Variants in LONP1 observed in about 807,000 individuals in gnomAD.
LONP1 encodes lon peptidase 1, mitochondrial.
In LONP1, 31 loss-of-function variants were observed where a neutral mutation model predicts 98.5. The ratio of observed to expected loss-of-function variants is 0.31; its 90% CI spans 0.24 to 0.42. The LOEUF (loss-of-function observed/expected upper bound fraction) is 0.42, where lower values mean the gene tolerates loss of function less well. Among genes scored for constraint, LONP1 ranks in the 20% least tolerant of loss-of-function variants. The pLI, the probability that LONP1 is intolerant of heterozygous loss-of-function variation, is 1.00. For missense variants in LONP1, 1,336 were observed against 1,350.6 expected (o/e 0.99, Z 0.17); for synonymous variants, 781 against 594.7 (o/e 1.31, Z -4.56).
At chr19:5,711,637 T>G in intron 4 of LONP1, 134 bp downstream of exon 4, 2 of 686,596 alleles carry the variant, frequency 2.9e-6, no homozygotes, top group Admixed American at 2.6e-5. Context: ...CCATTAGAAT[T>G]GAGTTCCAGA....
intron 3 of LONP1, 115 bp from the exon 4 acceptor site, chr19:5,712,117 G>A (rs976100992): frequency 2.5e-6 from 2 of 812,240 alleles, no homozygotes; most frequent in South Asian, 1.9e-5. Flanking sequence ...CAGACCTCTG[G>A]AGCCACAGGG....
At chr19:5,701,432 C>G (rs1040830286) in intron 8 of LONP1, among the ~76,000 whole-genome samples, 3 of 152,184 alleles carry the variant, frequency 2.0e-5, no homozygotes, top group Non-Finnish European at 4.4e-5. Context: ...ACCTCCCTGC[C>G]TGGTTCTCCT....
chr19:5,706,133 C>A (rs1226730067), intron 7 of LONP1, 141 bp from the exon 8 acceptor site: 2 of 626,410 alleles, frequency 3.2e-6, no homozygotes, highest in East Asian at 5.4e-5. Flanking sequence ...GCCTTTGGTT[C>A]CTTCCATCTT....
rs148761187 is a variant in LONP1, at chr19:5,699,075, C to T, written c.1637G>A (p.Arg546His). The T allele has an allele frequency of 3.6e-5, 58 of 1,608,416 alleles. No homozygotes were observed. Among genetic ancestry groups the T allele is most frequent in the Non-Finnish European group, 4.6e-5 (54 of 1,176,880 alleles). The change falls in exon 10 of 18, where the codon CGC (arginine) becomes CAC (histidine). Residue 546 changes from arginine (R) to histidine (H), a missense_variant. By Grantham distance (29) the Arg-to-His change is conservative. This residue lies in a region of LONP1 where 219 missense variants were observed against 241.0 expected (regional missense o/e 0.91). Coordinates refer to ENST00000360614, the MANE Select transcript of LONP1 (RefSeq NM_004793.4). ...IARALNREYFRFSVGGMTDVA... is the reference protein window; with the variant it reads ...IARALNREYFHFSVGGMTDVA... ...GTCAGTCATGCCCCCGACGCTGAAG[C>T]GGAAGTACTCTCGGTTCAGGGCGCG...
rs775470022 is a variant in LONP1 at position 5,691,980 on chromosome 19, T to TTCTGGCCCAGACAGGGCCTGACATCCAGC, written c.*51_*52insGCTGGATGTCAGGCCCTGTCTGGGCCAGA. 1.1e-5 allele frequency: 18 copies of TTCTGGCCCAGACAGGGCCTGACATCCAGC among 1,581,784 alleles called. No homozygotes were observed. Among genetic ancestry groups the TTCTGGCCCAGACAGGGCCTGACATCCAGC allele is most frequent in the Non-Finnish European group, 1.5e-5 (18 of 1,163,146 alleles). On this transcript the variant is annotated 3_prime_UTR_variant, in exon 18 of 18. Coordinates refer to ENST00000360614, the MANE Select transcript of LONP1 (RefSeq NM_004793.4). ...CGGGCGCGCTCCCCACAGCGCTCAG[T>TTCTGGCCCAGACAGGGCCTGACATCCAGC]TCTGGCCCAGACAGGGCCTGACATC... is the stretch of plus-strand genomic sequence containing the variant.
At position 5,707,507 on chromosome 19, in the gene LONP1, C is replaced by G. The variant is rs149219279; in HGVS notation, c.1062+190G>C. ...AGGCGGATGGATGTGGACCAAGACACGCAGCGGGAAATCATCTCAAAAACA... is the reference window on the plus strand; with the variant it reads ...AGGCGGATGGATGTGGACCAAGACAGGCAGCGGGAAATCATCTCAAAAACA... On this transcript the variant is annotated intron_variant, in intron 6 of 17. Transcript: ENST00000360614. Among the ~76,000 whole-genome samples, 82 of 152,286 alleles carry G rather than the reference C, an allele frequency of 5.4e-4. 1 individual carries two copies. The East Asian group carries it at 0.01, about 19-fold the overall frequency.
rs188959173 is a variant in LONP1 at position 5,701,613 on chromosome 19, G to A, written c.1368-686C>T. 7.6e-3 allele frequency among the ~76,000 whole-genome samples: 1,164 copies of A among 152,356 alleles called. 5 individuals carry two copies. The highest frequency in any genetic ancestry group is 0.012 in the Non-Finnish European group (845 of 68,034). ...CTCCCGAGGTGCCGGGATTGCAGAC[G>A]GAGTCTCGTTCACTCAGTGCTCAAT... On this transcript the variant is annotated intron_variant, in intron 8 of 17. Transcript: ENST00000360614.
Position 5,713,820 on chromosome 19 carries a change from C to T in LONP1, c.518+363G>A, listed in dbSNP as rs527745031. ...TCAGGTGATCCACATGCCTCAGCCT[C>T]CCAAAGTGCTGGGATTACAGGTGTG... is the stretch of plus-strand genomic sequence containing the variant. On this transcript the variant is annotated intron_variant, in intron 2 of 17. Transcript: ENST00000360614. 9.8e-5 allele frequency among the ~76,000 whole-genome samples: 15 copies of T among 152,292 alleles called. No homozygotes were observed. In the East Asian group the frequency reaches 2.9e-3, roughly 29 times the overall value.
At chr19:5,701,656 G>A (rs1193859187) in intron 8 of LONP1, among the ~76,000 whole-genome samples, 2 of 152,196 alleles carry the variant, frequency 1.3e-5, no homozygotes, top group East Asian at 1.9e-4. Context: ...AGGCTGGAGT[G>A]CAGTGGCGTG....
At chr19:5,703,664 C>G (rs756565192) in intron 8 of LONP1, among the ~76,000 whole-genome samples, 125 of 151,184 alleles carry the variant, frequency 8.3e-4, no homozygotes, top group African/African-American at 3.0e-3. Context: ...CTGGGCCACA[C>G]GGATGCTGGA....
intron 8 of LONP1, among the ~76,000 whole-genome samples, chr19:5,702,321 C>G (rs573443177): frequency 1.4e-5 from 2 of 147,530 alleles, no homozygotes; most frequent in South Asian, 4.3e-4. Flanking sequence ...GTCAGCCCCC[C>G]GCCCAGCCAG....
intron 9 of LONP1, among the ~76,000 whole-genome samples, chr19:5,699,555 G>GTTTTTT: frequency 1.7e-5 from 2 of 118,552 alleles, no homozygotes; most frequent in Non-Finnish European, 3.5e-5. Context: ...TCTGGCTCCT[G>GTTTTTT]TTTTTTTTTT....
intron 17 of LONP1, 37 bp downstream of exon 17, chr19:5,693,261 C>T (rs1418805608): frequency 3.2e-6 from 5 of 1,579,172 alleles, no homozygotes; most frequent in Non-Finnish European, 1.7e-6. Context: ...TGGTGTGGGC[C>T]CTGCCAGTGC....
At chr19:5,693,160 C>T (rs1476279951) in intron 17 of LONP1, 138 bp downstream of exon 17, 3 of 1,074,386 alleles carry the variant, frequency 2.8e-6, no homozygotes, top group South Asian at 1.6e-5. Context: ...AGGCCAGCTC[C>T]AGGCCAGAGA....
At chr19:5,702,267 C>T (rs1406525745) in intron 8 of LONP1, among the ~76,000 whole-genome samples, 1 of 137,272 alleles carries the variant, frequency 7.3e-6, no homozygotes. Context: ...GGGGGGTCAG[C>T]CCCCCACCAG....
intron 4 of LONP1, among the ~76,000 whole-genome samples, chr19:5,711,051 C>T (rs1418850971): frequency 6.6e-6 from 1 of 151,844 alleles, no homozygotes; most frequent in Non-Finnish European, 1.5e-5. Flanking sequence ...AAAAAAAAAC[C>T]TCGCAGGGGT....
At position 5,694,513 on chromosome 19, in the gene LONP1, C is replaced by T; in HGVS notation, c.2194G>A (p.Ala732Thr). ...KSAYKIVSGE[A>T]ESVEVTPENL... Reference sequence around the variant, plus strand: ...TCGGGCGTCACCTCCACGGACTCGGCCTCGCCGCTGACAATCTTGTAGGCC... The same window carrying T: ...TCGGGCGTCACCTCCACGGACTCGGTCTCGCCGCTGACAATCTTGTAGGCC... Residue 732 changes from alanine to threonine, a missense_variant, in exon 15 of 18, where the codon GCC becomes ACC. By Grantham distance (58) the Ala-to-Thr change is moderately conservative. Transcript: ENST00000360614. 3 of 1,613,220 alleles carry T rather than the reference C, an allele frequency of 1.9e-6. No individual in the cohort carries two copies. The highest frequency in any genetic ancestry group is 2.5e-6 in the Non-Finnish European group (3 of 1,180,000).
At chr19:5,694,740 G>T (rs372280961) in intron 14 of LONP1, 21 bp downstream of exon 14, 127 of 1,581,572 alleles carry the variant, frequency 8.0e-5, no homozygotes, top group Middle Eastern at 2.0e-4. Context: ...CAGGTGCCAG[G>T]AGGGCGGGCT....
intron 8 of LONP1, among the ~76,000 whole-genome samples, chr19:5,705,568 C>T (rs1169494448): frequency 2.0e-5 from 3 of 152,118 alleles, no homozygotes; most frequent in Admixed American, 6.5e-5. Flanking sequence ...TCAACAGCCC[C>T]GAGCCTCGAT....
Sources: gnomAD v4.1 joint callset for allele counts (sites outside exome capture counted in the v4.1 genomes callset) on GRCh38, gnomAD v4.1.1 for gene constraint, gnomAD v4.1.1 regional missense constraint, MANE v1.5 for transcripts, NCBI Gene and HGNC (gene_info 2026-07-23, HGNC 2026-07-21) for gene names.